OIT3: variants seen among roughly 807,000 people sequenced by gnomAD.
The protein encoded by OIT3 is oncoprotein-induced transcript 3 protein.
A neutral mutation model predicts 52.2 loss-of-function variants in OIT3; 41 were observed. That is an observed-to-expected ratio of 0.79 (90% CI 0.61 to 1.02). The LOEUF (loss-of-function observed/expected upper bound fraction) is 1.02, where lower values mean the gene tolerates loss of function less well. Among genes scored for constraint, OIT3 ranks in the 50% least tolerant of loss-of-function variants. OIT3 has a pLI of 0.00. For missense variants in OIT3, 634 were observed against 715.5 expected, an observed-to-expected ratio of 0.89 and a Z score of 1.30; for synonymous variants, 244 against 276.9, an observed-to-expected ratio of 0.88 and a Z score of 1.18.
At chr10:72,925,406 A>G (rs1846161865) in intron 7 of OIT3, among the ~76,000 whole-genome samples, 1 of 152,204 alleles carries the variant, frequency 6.6e-6, no homozygotes, top group Admixed American at 6.5e-5. Flanking sequence ...ATGAAACTGT[A>G]GGATTGAGTA....
intron 8 of OIT3, among the ~76,000 whole-genome samples, chr10:72,932,116 A>G (rs1846221635): frequency 6.6e-6 from 1 of 152,044 alleles, no homozygotes; most frequent in Admixed American, 6.6e-5. Flanking sequence ...TTTTTTAATC[A>G]CTCATGTGAC....
chr10:72,916,943 T>A (rs757880684), intron 6 of OIT3, among the ~76,000 whole-genome samples: 3 of 152,368 alleles, frequency 2.0e-5, no homozygotes, highest in South Asian at 2.1e-4. Context: ...TTGAGCTTTT[T>A]TTTCATATGC....
intron 6 of OIT3, among the ~76,000 whole-genome samples, chr10:72,916,770 G>C (rs1247525927): frequency 6.6e-6 from 1 of 152,146 alleles, no homozygotes; most frequent in Non-Finnish European, 1.5e-5. Flanking sequence ...TTCCACAATG[G>C]TTGAACTAAT....
chr10:72,907,604 C>T (rs1419942464), intron 4 of OIT3, among the ~76,000 whole-genome samples: 4 of 152,054 alleles, frequency 2.6e-5, no homozygotes, highest in African/African-American at 9.7e-5. Flanking sequence ...ATGGGGACTT[C>T]GAGTTTGTGT....
intron 6 of OIT3, among the ~76,000 whole-genome samples, chr10:72,916,956 G>A (rs777379695): frequency 1.3e-5 from 2 of 151,968 alleles, no homozygotes; most frequent in African/African-American, 4.8e-5. Flanking sequence ...TCATATGCTT[G>A]TTGGCCACAT....
intron 4 of OIT3, among the ~76,000 whole-genome samples, chr10:72,907,051 GAGGCC>G (rs1256146069): frequency 1.3e-5 from 2 of 152,134 alleles, no homozygotes; most frequent in African/African-American, 2.4e-5. Flanking sequence ...AGGATCACTT[GAGGCC>G]AGGAGTTTAA....
At chr10:72,925,115 C>CAAAAAAAAAAAA (rs751143274) in intron 7 of OIT3, among the ~76,000 whole-genome samples, 2 of 37,984 alleles carry the variant, frequency 5.3e-5, no homozygotes, top group Non-Finnish European at 1.3e-4. Flanking sequence ...CCTAAAATCT[C>CAAAAAAAAAAAA]AAAAAAAAAA....
chr10:72,898,074 G>A (rs1234650642), intron 1 of OIT3, among the ~76,000 whole-genome samples: 2 of 151,268 alleles, frequency 1.3e-5, no homozygotes, highest in Admixed American at 6.6e-5. Flanking sequence ...CTTGAGCCCA[G>A]GAGTTCAAAA....
intron 6 of OIT3, chr10:72,918,432 T>G: frequency 1.2e-6 from 1 of 817,030 alleles, no homozygotes; most frequent in Non-Finnish European, 2.1e-6. Context: ...ATCTTCATCA[T>G]TATCCACCTT....
intron 3 of OIT3, among the ~76,000 whole-genome samples, chr10:72,905,152 G>A (rs1435494328): frequency 1.3e-5 from 2 of 152,056 alleles, no homozygotes; most frequent in African/African-American, 2.4e-5. Flanking sequence ...CTCTCATTAG[G>A]CCTCACCTCC....
intron 6 of OIT3, among the ~76,000 whole-genome samples, chr10:72,913,872 A>G (rs962715572): frequency 1.3e-5 from 2 of 152,256 alleles, no homozygotes; most frequent in African/African-American, 2.4e-5. Flanking sequence ...GAAAAGGTTT[A>G]TACTTTCATC....
chr10:72,918,254 T>A, intron 6 of OIT3: 1 of 808,470 alleles, frequency 1.2e-6, no homozygotes, highest in Non-Finnish European at 2.2e-6. Flanking sequence ...CTGGGGGTGT[T>A]ATTTCAAAGC....
At chr10:72,907,258 G>A (rs1449795899) in intron 4 of OIT3, among the ~76,000 whole-genome samples, 1 of 151,794 alleles carries the variant, frequency 6.6e-6, no homozygotes, top group Non-Finnish European at 1.5e-5. Flanking sequence ...GGGCAACAGA[G>A]AGAAAATATC....
At chr10:72,899,440 C>T (rs567962639) in intron 2 of OIT3, among the ~76,000 whole-genome samples, 1 of 151,612 alleles carries the variant, frequency 6.6e-6, no homozygotes, top group Non-Finnish European at 1.5e-5. Context: ...ACTAGAAATA[C>T]AAAAATTAGA....
Position 72,924,463 on chromosome 10 carries a change from G to C in OIT3, c.1186G>C (p.Asp396His). The C allele has an allele frequency of 6.2e-7, 1 of 1,614,060 alleles. No homozygotes were observed. The highest frequency in any genetic ancestry group is 2.2e-5 in the East Asian group (1 of 44,868). The part of the protein sequence containing the change: ...IFPFTLEIFK[D>H]NEFEEPYREA... ...CCCATTCACTCTGGAGATCTTCAAGGACAATGAGTTTGAAGAGCCTTACCG... is the reference window on the plus strand; with the variant it reads ...CCCATTCACTCTGGAGATCTTCAAGCACAATGAGTTTGAAGAGCCTTACCG... Residue 396 changes from aspartate (D) to histidine (H), a missense_variant, in exon 7 of 9, where the codon GAC becomes CAC. Physicochemically the swap from Asp to His is moderately conservative, Grantham distance 81. Transcript: ENST00000334011.
intron 5 of OIT3, among the ~76,000 whole-genome samples, chr10:72,912,532 A>C (rs1846038546): frequency 6.6e-6 from 1 of 152,042 alleles, no homozygotes; most frequent in Non-Finnish European, 1.5e-5. Flanking sequence ...TGGCTTCCCA[A>C]AGTGTTGGGA....
At position 72,898,779 on chromosome 10, in the gene OIT3, G is replaced by A. The variant is rs374077332; in HGVS notation, c.177G>A (p.Trp59Ter). 1.9e-6 allele frequency: 3 copies of A among 1,614,008 alleles called. No homozygotes were observed. The African/African-American group carries it at 4.0e-5, about 22-fold the overall frequency. The change falls in exon 2 of 9, where the codon TGG becomes TGA. Residue 59 changes from tryptophan to a stop codon, truncating the protein, a stop_gained. Coordinates refer to ENST00000334011, the MANE Select transcript of OIT3 (RefSeq NM_152635.3). LOFTEE classifies it high-confidence loss of function. ...PLCDNHVNGEWYHFTGMAGDA... is the reference protein window; with the variant it reads ...PLCDNHVNGE ...GTGACAACCATGTGAATGGGGAGTG[G>A]TACCACTTCACGGGCATGGCGGGAG...
At position 72,900,415 on chromosome 10, in the gene OIT3, T is replaced by G; in HGVS notation, c.475T>G (p.Cys159Gly). The change falls in exon 3 of 9, where the codon TGC becomes GGC. Residue 159 changes from cysteine (C) to glycine (G), a missense_variant. Physicochemically the swap from Cys to Gly is radical, Grantham distance 159. Transcript: ENST00000334011. ...DICDEDCHGSCSDTSECTCAP... is the reference protein window; with the variant it reads ...DICDEDCHGSGSDTSECTCAP... ...CTGCGACGAGGACTGCCATGGCAGCTGCTCAGATACCAGCGAGTGCACATG... is the reference window on the plus strand; with the variant it reads ...CTGCGACGAGGACTGCCATGGCAGCGGCTCAGATACCAGCGAGTGCACATG... 6.2e-7 allele frequency: 1 copy of G among 1,612,480 alleles called. No individual in the cohort carries two copies. Among genetic ancestry groups the G allele is most frequent in the Non-Finnish European group, 8.5e-7 (1 of 1,178,522 alleles).
At chr10:72,924,920 G>T (rs922180058) in intron 7 of OIT3, among the ~76,000 whole-genome samples, 2 of 151,984 alleles carry the variant, frequency 1.3e-5, no homozygotes, top group Non-Finnish European at 2.9e-5. Context: ...AGACCAGCCT[G>T]GCCAACATGG....
Sources: gnomAD v4.1 joint callset for allele counts (sites outside exome capture counted in the v4.1 genomes callset) on GRCh38, gnomAD v4.1.1 for gene constraint, MANE v1.5 for transcripts, NCBI Gene and HGNC (gene_info 2026-07-23, HGNC 2026-07-21) for gene names.